The following RABGAP1L variants were observed in gnomAD, a reference collection of about 807,000 sequenced individuals.
RABGAP1L encodes the protein RAB GTPase activating protein 1 like.
RABGAP1L carries 63 observed loss-of-function variants against 137.7 expected under a neutral mutation model. That is an observed-to-expected ratio of 0.46 (90% confidence interval 0.37 to 0.56). The LOEUF is 0.56. RABGAP1L is among the 20% of genes least tolerant of loss of function. The pLI, the probability that RABGAP1L is intolerant of heterozygous loss-of-function variation, is 0.00. For synonymous variants in RABGAP1L, 431 were observed against 433.7 expected, an observed-to-expected ratio of 0.99 and a Z score of 0.08; for missense variants, 1,095 against 1,244.0, an observed-to-expected ratio of 0.88 and a Z score of 1.80.
chr1:174,423,935 G>T (rs551552736), intron 13 of RABGAP1L, among the ~76,000 whole-genome samples: 1 of 152,084 alleles, frequency 6.6e-6, no homozygotes, highest in African/African-American at 2.4e-5. Flanking sequence ...AAATATTTTG[G>T]GATATGTAGG....
intron 13 of RABGAP1L, among the ~76,000 whole-genome samples, chr1:174,611,330 T>G (rs1409485427): frequency 6.6e-6 from 1 of 152,146 alleles, no homozygotes; most frequent in African/African-American, 2.4e-5. Context: ...CCCCATTGCT[T>G]GTTTTTCTCA....
intron 1 of RABGAP1L, among the ~76,000 whole-genome samples, chr1:174,201,698 C>T (rs1358517543): frequency 2.0e-5 from 3 of 149,578 alleles, no homozygotes; most frequent in Non-Finnish European, 3.0e-5. Flanking sequence ...ATGTGCACAA[C>T]GTGCAGGTTT....
At position 174,231,195 on chromosome 1, in the gene RABGAP1L, A is replaced by G. The variant is rs780882858; in HGVS notation, c.382A>G (p.Ser128Gly). The change falls in exon 4 of 26, where the codon AGT becomes GGT. Residue 128 changes from serine to glycine, a missense_variant. Physicochemically the swap from Ser to Gly is moderately conservative, Grantham distance 56. This residue lies in a region of RABGAP1L where 356 missense variants were observed against 326.3 expected (regional missense o/e 1.09). Coordinates refer to ENST00000681986, the MANE Select transcript of RABGAP1L (RefSeq NM_001366446.1). ...SSPGGLPEED[S>G]VLFNKLTYLG... ...TCCAGGTGGACTACCTGAAGAAGAT[A>G]GTGTTTTATTTAATAAACTGACCTA... 2.3e-5 allele frequency: 37 copies of G among 1,613,630 alleles called. No homozygotes were observed. The highest frequency in any genetic ancestry group is 2.6e-5 in the Non-Finnish European group (31 of 1,179,770).
intron 10 of RABGAP1L, among the ~76,000 whole-genome samples, chr1:174,282,239 T>C (rs536335363): frequency 6.6e-6 from 1 of 152,212 alleles, no homozygotes. Context: ...GCTTGACCAC[T>C]TTATTTTCCC....
At chr1:174,758,957 G>A (rs1684992967) in intron 18 of RABGAP1L, among the ~76,000 whole-genome samples, 1 of 152,104 alleles carries the variant, frequency 6.6e-6, no homozygotes, top group African/African-American at 2.4e-5. Context: ...ACCAAGTCCT[G>A]TGGATTCTAC....
At chr1:174,165,718 T>C (rs1304943571) in intron 1 of RABGAP1L, among the ~76,000 whole-genome samples, 1 of 151,984 alleles carries the variant, frequency 6.6e-6, no homozygotes, top group Non-Finnish European at 1.5e-5. Context: ...AGGCTGTTCT[T>C]GAACTTCTGG....
chr1:174,522,183 A>G (rs1277842866), intron 13 of RABGAP1L, among the ~76,000 whole-genome samples: 2 of 152,192 alleles, frequency 1.3e-5, no homozygotes, highest in African/African-American at 4.8e-5. Flanking sequence ...CTAAAGGCAT[A>G]TATTCTGTAG....
chr1:174,282,566 G>A (rs1675671090), intron 10 of RABGAP1L, among the ~76,000 whole-genome samples: 3 of 151,928 alleles, frequency 2.0e-5, no homozygotes, highest in Admixed American at 2.0e-4. Context: ...CCTGACAGTG[G>A]CTTGCCTTTT....
chr1:174,513,138 A>G (rs1662502511), intron 13 of RABGAP1L, among the ~76,000 whole-genome samples: 1 of 152,202 alleles, frequency 6.6e-6, no homozygotes, highest in Admixed American at 6.5e-5. Context: ...TCATTCATAA[A>G]AGGCACAAAT....
At chr1:174,431,401 A>T (rs1036877534) in intron 13 of RABGAP1L, among the ~76,000 whole-genome samples, 1 of 152,198 alleles carries the variant, frequency 6.6e-6, no homozygotes, top group East Asian at 1.9e-4. Flanking sequence ...TGGGAAATGT[A>T]AGAAACGTTG....
At chr1:174,745,996 G>A (rs1683831889) in intron 17 of RABGAP1L, among the ~76,000 whole-genome samples, 1 of 152,234 alleles carries the variant, frequency 6.6e-6, no homozygotes, top group Admixed American at 6.5e-5. Context: ...CCCAGGTGCT[G>A]ATGCACACTT....
intron 19 of RABGAP1L, among the ~76,000 whole-genome samples, chr1:174,936,151 A>G (rs1189410557): frequency 2.0e-5 from 3 of 152,180 alleles, no homozygotes; most frequent in Non-Finnish European, 4.4e-5. Context: ...GTCCAAGGAC[A>G]TGATGATATT....
chr1:174,508,127 C>G (rs763775328), intron 13 of RABGAP1L, among the ~76,000 whole-genome samples: 2 of 152,094 alleles, frequency 1.3e-5, no homozygotes, highest in African/African-American at 2.4e-5. Context: ...ATGATTTGTG[C>G]TAAGTGATAA....
At chr1:174,892,625 T>C (rs1042311154) in intron 19 of RABGAP1L, 1 of 534,668 alleles carries the variant, frequency 1.9e-6, no homozygotes, top group Non-Finnish European at 3.8e-6. Flanking sequence ...CCTGTACATT[T>C]TCTTATTTGA....
chr1:174,686,120 A>G (rs1305289883), intron 15 of RABGAP1L, among the ~76,000 whole-genome samples: 1 of 152,216 alleles, frequency 6.6e-6, no homozygotes, highest in African/African-American at 2.4e-5. Context: ...GGAGGAAGCA[A>G]TGAATAGTGT....
intron 13 of RABGAP1L, among the ~76,000 whole-genome samples, chr1:174,531,309 A>G (rs969089048): frequency 6.6e-6 from 1 of 152,174 alleles, no homozygotes; most frequent in African/African-American, 2.4e-5. Flanking sequence ...TGGAAAAATT[A>G]TTTGTGCTAT....
At chr1:174,238,319 C>T (rs1050525852) in intron 4 of RABGAP1L, among the ~76,000 whole-genome samples, 8 of 152,194 alleles carry the variant, frequency 5.3e-5, no homozygotes, top group East Asian at 1.9e-4. Context: ...TGAGGAACTG[C>T]GTTCCTTTGG....
intron 19 of RABGAP1L, among the ~76,000 whole-genome samples, chr1:174,819,409 T>A (rs1194807395): frequency 6.6e-6 from 1 of 152,096 alleles, no homozygotes; most frequent in East Asian, 1.9e-4. Flanking sequence ...TTGTACCAGA[T>A]AGACCCAGGG....
chr1:174,617,083 C>T (rs1198156024), intron 13 of RABGAP1L, among the ~76,000 whole-genome samples: 1 of 152,102 alleles, frequency 6.6e-6, no homozygotes, highest in South Asian at 2.1e-4. Flanking sequence ...ATACTGTGTC[C>T]AGCAGCTAGG....
Sources: allele counts gnomAD v4.1 joint callset (sites outside exome capture counted in the v4.1 genomes callset), GRCh38; gene constraint gnomAD v4.1.1; regional missense constraint gnomAD v4.1.1; transcripts MANE v1.5; gene names NCBI Gene and HGNC (gene_info 2026-07-23, HGNC 2026-07-21).